The following GFRA2 variants were observed in gnomAD, a reference collection of about 807,000 sequenced individuals.
GFRA2 encodes the protein GDNF family receptor alpha 2.
In GFRA2, 17 loss-of-function variants were observed where a neutral mutation model predicts 48.3. That is an observed-to-expected ratio of 0.35 (90% CI 0.24 to 0.53). GFRA2 has a LOEUF of 0.53. Ranked by LOEUF, GFRA2 falls within the 20% of genes least tolerant of loss-of-function variation. The pLI, the probability that GFRA2 is intolerant of heterozygous loss-of-function variation, is 0.93. For missense variants in GFRA2, 660 were observed against 637.3 expected (o/e 1.04, Z -0.38); for synonymous variants, 305 against 257.2 (o/e 1.19, Z -1.78).
intron 3 of GFRA2, among the ~76,000 whole-genome samples, chr8:21,753,023 T>A (rs573808119): frequency 6.6e-6 from 1 of 151,960 alleles, no homozygotes; most frequent in East Asian, 1.9e-4. Context: ...CCCATGACAA[T>A]CTTCTCTCAT....
rs116497499 is a variant in GFRA2 at position 21,749,967 on chromosome 8, A to T, written c.794+621T>A. On this transcript the variant is annotated intron_variant, in intron 4 of 8. Coordinates refer to ENST00000524240, the MANE Select transcript of GFRA2 (RefSeq NM_001495.5). ...TAGAACATAGTAAGTGCTTACCAACATAGTAGCCTCATTATTAGGAAGGTA... is the reference window on the plus strand; with the variant it reads ...TAGAACATAGTAAGTGCTTACCAACTTAGTAGCCTCATTATTAGGAAGGTA... Among the ~76,000 whole-genome samples, 55 of 152,106 alleles carry T rather than the reference A, an allele frequency of 3.6e-4. 1 individual carries two copies. Among genetic ancestry groups the T allele is most frequent in the Admixed American group, 2.0e-3 (31 of 15,264 alleles).
intron 4 of GFRA2, among the ~76,000 whole-genome samples, chr8:21,719,079 T>C (rs1034409641): frequency 4.6e-5 from 7 of 152,194 alleles, no homozygotes; most frequent in African/African-American, 1.4e-4. Flanking sequence ...GGGGGAGCCA[T>C]GAAGGTGACC....
At chr8:21,713,175 C>A (rs896848391) in intron 4 of GFRA2, among the ~76,000 whole-genome samples, 2 of 151,954 alleles carry the variant, frequency 1.3e-5, no homozygotes, top group African/African-American at 2.4e-5. Context: ...GATCTGGCAA[C>A]TCTGTTTTGT....
At chr8:21,728,019 ACTC>A (rs1171171376) in intron 4 of GFRA2, among the ~76,000 whole-genome samples, 1 of 152,008 alleles carries the variant, frequency 6.6e-6, no homozygotes, top group Non-Finnish European at 1.5e-5. Context: ...CAGAAAATAA[ACTC>A]CTCATCACAT....
At chr8:21,761,231 G>A (rs1054917797) in intron 3 of GFRA2, among the ~76,000 whole-genome samples, 11 of 152,288 alleles carry the variant, frequency 7.2e-5, no homozygotes, top group African/African-American at 2.6e-4. Flanking sequence ...CCGCCCTCAA[G>A]ATCCATTTAT....
At chr8:21,700,825 C>G (rs1802437612) in intron 7 of GFRA2, among the ~76,000 whole-genome samples, 1 of 152,108 alleles carries the variant, frequency 6.6e-6, no homozygotes, top group African/African-American at 2.4e-5. Context: ...GCTCCCCCAC[C>G]CTTCCTCCCA....
chr8:21,735,352 A>G (rs1804400118), intron 4 of GFRA2, among the ~76,000 whole-genome samples: 1 of 152,112 alleles, frequency 6.6e-6, no homozygotes, highest in Admixed American at 6.5e-5. Flanking sequence ...GAAGGTGTAG[A>G]AAGATGTGGA....
chr8:21,803,261 A>G (rs1807804077), intron 2 of GFRA2, among the ~76,000 whole-genome samples: 1 of 152,192 alleles, frequency 6.6e-6, no homozygotes, highest in South Asian at 2.1e-4. Context: ...AAGGGCAGAG[A>G]GCTGGCCAGA....
chr8:21,715,650 C>A (rs533623793), intron 4 of GFRA2, among the ~76,000 whole-genome samples: 2 of 152,282 alleles, frequency 1.3e-5, no homozygotes, highest in Admixed American at 1.3e-4. Flanking sequence ...AGCCACGGCA[C>A]CCCTTTCTCC....
intron 2 of GFRA2, among the ~76,000 whole-genome samples, chr8:21,798,090 A>AG (rs1807710417): frequency 6.6e-6 from 1 of 152,116 alleles, no homozygotes; most frequent in East Asian, 1.9e-4. Context: ...TCCCCACTAC[A>AG]AAAGGCAGTC....
In GFRA2 at chr8:21,759,528, A is replaced by AGGAAGGAG. The variant is rs1563252219; in HGVS notation, c.440-8587_440-8586insCTCCTTCC. Among the ~76,000 whole-genome samples, 187 of 143,750 alleles carry AGGAAGGAG rather than the reference A, an allele frequency of 1.3e-3. 1 individual carries two copies. Among genetic ancestry groups the AGGAAGGAG allele is most frequent in the African/African-American group, 4.7e-3 (178 of 37,892 alleles). 94.3% of individuals were successfully genotyped at this position (143,750 alleles called of 152,430 possible). A position where few individuals can be genotyped will look rare whatever the true frequency, so the allele number is the denominator to read the frequency against. On this transcript the variant is annotated intron_variant, in intron 3 of 8. Transcript: ENST00000524240. Reference sequence around the variant, plus strand: ...AAGGAAGGAAGGAAGGAAGGAAGGAAGGAAGGAAGGAAGGAGGGAAGGAAG... The same window carrying AGGAAGGAG: ...AAGGAAGGAAGGAAGGAAGGAAGGAAGGAAGGAGGGAAGGAAGGAAGGAGGGAAGGAAG...
chr8:21,733,182 C>T (rs975210970), intron 4 of GFRA2, among the ~76,000 whole-genome samples: 1 of 152,140 alleles, frequency 6.6e-6, no homozygotes, highest in African/African-American at 2.4e-5. Context: ...GATGCCACCC[C>T]CTGAAATGTT....
chr8:21,747,650 G>T (rs951523754), intron 4 of GFRA2, among the ~76,000 whole-genome samples: 2 of 151,626 alleles, frequency 1.3e-5, no homozygotes, highest in African/African-American at 4.9e-5. Context: ...CCATCTCTCT[G>T]CGGTCCCTGG....
At chr8:21,793,806 G>T (rs2117104643), upstream of GFRA2, among the ~76,000 whole-genome samples, 1 of 150,946 alleles carries the variant, frequency 6.6e-6, no homozygotes, top group Non-Finnish European at 1.5e-5. Flanking sequence ...CAACACCTAA[G>T]ATATCCTCTT....
At chr8:21,744,068 A>G (rs561014810) in intron 4 of GFRA2, among the ~76,000 whole-genome samples, 2 of 152,336 alleles carry the variant, frequency 1.3e-5, no homozygotes, top group Admixed American at 1.3e-4. Context: ...ATCTGCTAAA[A>G]ACATCAGCCA....
At chr8:21,706,236 CTT>C (rs1468160387) in intron 4 of GFRA2, among the ~76,000 whole-genome samples, 195 bp from the exon 5 acceptor site, 2 of 152,306 alleles carry the variant, frequency 1.3e-5, no homozygotes, top group African/African-American at 4.8e-5. Context: ...AGGACAGAGA[CTT>C]CCCGGAGAGA....
chr8:21,783,809 C>T (rs979612481), intron 1 of GFRA2, among the ~76,000 whole-genome samples: 15 of 151,908 alleles, frequency 9.9e-5, no homozygotes, highest in Admixed American at 8.5e-4. Flanking sequence ...GCTCTGCTTG[C>T]ACCTGGCTAT....
At chr8:21,793,895 GCT>G (rs1269686041) in intron 2 of GFRA2, among the ~76,000 whole-genome samples, 1 of 145,166 alleles carries the variant, frequency 6.9e-6, no homozygotes, top group Non-Finnish European at 1.5e-5. Context: ...AGACAGTCTC[GCT>G]CTGTCACCCA....
At chr8:21,714,246 C>CTTTTTTTTTTTTTTTTTTTTTTTT (rs10674628) in intron 4 of GFRA2, among the ~76,000 whole-genome samples, 3 of 78,402 alleles carry the variant, frequency 3.8e-5, no homozygotes, top group African/African-American at 1.6e-4. Context: ...GTCTGAAGTT[C>CTTTTTTTTTTTTTTTTTTTTTTTT]TTTTTTTTTT....
Sources: gnomAD v4.1 joint callset for allele counts (sites outside exome capture counted in the v4.1 genomes callset) on GRCh38, gnomAD v4.1.1 for gene constraint, MANE v1.5 for transcripts, NCBI Gene and HGNC (gene_info 2026-07-23, HGNC 2026-07-21) for gene names.